The following EYS variants were observed in gnomAD, a reference collection of about 807,000 sequenced individuals.
The protein encoded by EYS is protein eyes shut homolog.
A neutral mutation model predicts 282.1 loss-of-function variants in EYS; 250 were observed. The ratio of observed to expected loss-of-function variants is 0.89; its 90% CI spans 0.80 to 0.98. The LOEUF (loss-of-function observed/expected upper bound fraction) is 0.98, where lower values mean the gene tolerates loss of function less well. EYS is among the 50% of genes least tolerant of loss of function. The probability of loss-of-function intolerance (pLI) is 0.00; values close to 1 mark genes in which losing one functional copy is unlikely to be tolerated. For missense variants in EYS, 4,016 were observed against 3,709.0 expected (o/e 1.08, Z -2.15); for synonymous variants, 1,355 against 1,282.9 (o/e 1.06, Z -1.20).
intron 36 of EYS, chr6:63,857,602 G>A: frequency 2.6e-6 from 1 of 383,890 alleles, no homozygotes; most frequent in Non-Finnish European, 5.4e-6. Context: ...ACCACCGTGT[G>A]ATGGGGTCCA....
chr6:65,238,248 T>G (rs1766974431), intron 12 of EYS, among the ~76,000 whole-genome samples: 1 of 149,810 alleles, frequency 6.7e-6, no homozygotes, highest in South Asian at 2.1e-4. Context: ...ATAATCCTTT[T>G]AAAAATATAA....
rs1417338849 is a variant in EYS at position 65,332,200 on chromosome 6, TA to T, written c.1766+2779del. On this transcript the variant is annotated intron_variant, in intron 11 of 42. Transcript: ENST00000503581. ...CTTTATTTGTTGAGTGTTTGTTTCATAAAGTGTTGTGAGATTCTGTAATACA... is the reference window on the plus strand; with the variant it reads ...CTTTATTTGTTGAGTGTTTGTTTCATAAGTGTTGTGAGATTCTGTAATACA... 5.7e-6 allele frequency: 3 copies of T among 528,974 alleles called. No homozygotes were observed. In the African/African-American group the frequency reaches 5.8e-5, roughly 10 times the overall value. 32.8% of individuals were successfully genotyped at this position (528,974 alleles called of 1,614,324 possible).
rs535956390 is a variant in EYS at position 64,644,311 on chromosome 6, G to A, written c.3444-18066C>T. ...AAAATTCTATATATGACTTAATTAGGCAGAGTTAATTTTTTTACTTGCAGT... is the reference window on the plus strand; with the variant it reads ...AAAATTCTATATATGACTTAATTAGACAGAGTTAATTTTTTTACTTGCAGT... On this transcript the variant is annotated intron_variant, in intron 22 of 42. Coordinates refer to ENST00000503581, the MANE Select transcript of EYS (RefSeq NM_001142800.2). Among the ~76,000 whole-genome samples the A allele has an allele frequency of 1.7e-4, 4 of 23,668 alleles. No individual in the cohort carries two copies. The South Asian group carries it at 0.013, about 77-fold the overall frequency. The allele number at this position is 23,668 out of a possible 152,430, so 15.5% of individuals were successfully genotyped here.
chr6:63,797,581 C>T (rs1412728797), intron 37 of EYS: 2 of 152,176 alleles, frequency 1.3e-5, no homozygotes, highest in African/African-American at 2.4e-5. Context: ...TAGTGGCAAA[C>T]TTTTGGCTTC....
intron 36 of EYS, among the ~76,000 whole-genome samples, chr6:63,853,484 G>C (rs1420736666): frequency 6.6e-6 from 1 of 152,164 alleles, no homozygotes; most frequent in Non-Finnish European, 1.5e-5. Flanking sequence ...AAATAAGAGA[G>C]GACACAGACA....
intron 2 of EYS, among the ~76,000 whole-genome samples, chr6:65,637,596 G>A (rs1014202591): frequency 2.0e-5 from 3 of 152,202 alleles, no homozygotes; most frequent in African/African-American, 7.2e-5. Flanking sequence ...GGCCCAGGAA[G>A]CTACTTGCCA....
At chr6:64,842,135 T>C (rs1765580909) in intron 19 of EYS, among the ~76,000 whole-genome samples, 1 of 151,996 alleles carries the variant, frequency 6.6e-6, no homozygotes, top group Non-Finnish European at 1.5e-5. Flanking sequence ...TTAATGCTAA[T>C]AGTGTTGGTT....
chr6:65,687,148 A>C (rs1473072185), intron 1 of EYS, among the ~76,000 whole-genome samples: 2 of 152,122 alleles, frequency 1.3e-5, no homozygotes, highest in Non-Finnish European at 2.9e-5. Context: ...ATTCAGATTT[A>C]AGTTTATACA....
At chr6:65,118,888 A>G (rs1234805303) in intron 12 of EYS, among the ~76,000 whole-genome samples, 4 of 152,058 alleles carry the variant, frequency 2.6e-5, no homozygotes, top group Non-Finnish European at 5.9e-5. Context: ...GAAAAAAAAA[A>G]AAAGAAATAG....
chr6:64,619,310 A>G (rs1277204516), intron 23 of EYS, among the ~76,000 whole-genome samples: 2 of 152,198 alleles, frequency 1.3e-5, no homozygotes, highest in Non-Finnish European at 1.5e-5. Context: ...GCTTTAAACC[A>G]TAAGATGGGA....
chr6:64,497,664 G>A (rs1226416829), intron 26 of EYS, among the ~76,000 whole-genome samples: 1 of 152,124 alleles, frequency 6.6e-6, no homozygotes. Flanking sequence ...GAGTGTGACA[G>A]ACTCACGGGC....
At chr6:63,796,954 C>T (rs1413591417) in intron 37 of EYS, among the ~76,000 whole-genome samples, 2 of 152,162 alleles carry the variant, frequency 1.3e-5, no homozygotes, top group African/African-American at 2.4e-5. Flanking sequence ...GGTTCTCCCA[C>T]CAAATGAATA....
In EYS at chr6:65,350,150, C is replaced by G. The variant is rs182112591; in HGVS notation, c.1459+3308G>C. On this transcript the variant is annotated intron_variant, in intron 9 of 42. Transcript: ENST00000503581. ...TTTTAATACTCAGATTTTTAAAAAG[C>G]CTTCAACTAAAGATTAAAACTAAAG... Among the ~76,000 whole-genome samples, 1,150 of 151,090 alleles carry G rather than the reference C, an allele frequency of 7.6e-3. 7 individuals are homozygous for G. Among genetic ancestry groups the G allele is most frequent in the Non-Finnish European group, 0.01 (695 of 67,460 alleles).
intron 5 of EYS, among the ~76,000 whole-genome samples, chr6:65,479,269 A>G (rs1284942855): frequency 1.3e-5 from 2 of 152,228 alleles, no homozygotes; most frequent in East Asian, 3.8e-4. Flanking sequence ...CTTGGCATAT[A>G]TTTGGCAAAT....
intron 31 of EYS, among the ~76,000 whole-genome samples, chr6:64,134,004 A>T (rs887985832): frequency 6.6e-6 from 1 of 152,026 alleles, no homozygotes. Context: ...GGAAGAGTGA[A>T]TAGTTAGATA....
chr6:64,245,613 C>G (rs1463771993), intron 30 of EYS, among the ~76,000 whole-genome samples: 1 of 152,132 alleles, frequency 6.6e-6, no homozygotes, highest in Non-Finnish European at 1.5e-5. Flanking sequence ...CAGATTTAAG[C>G]CACTTCCTTC....
chr6:64,257,450 T>C (rs1767437740), intron 30 of EYS, among the ~76,000 whole-genome samples: 2 of 152,010 alleles, frequency 1.3e-5, no homozygotes, highest in Admixed American at 6.6e-5. Context: ...GGCCTCAATA[T>C]CCAAGCTGAC....
chr6:65,527,117 A>G (rs1039716592), intron 2 of EYS, among the ~76,000 whole-genome samples: 1 of 152,174 alleles, frequency 6.6e-6, no homozygotes, highest in Non-Finnish European at 1.5e-5. Context: ...GGACAGAATG[A>G]CTTTCAATGA....
intron 2 of EYS, among the ~76,000 whole-genome samples, chr6:65,607,859 C>A (rs1765856406): frequency 1.3e-5 from 2 of 151,952 alleles, no homozygotes; most frequent in African/African-American, 4.8e-5. Flanking sequence ...AATTACATTT[C>A]ATCTTATGTG....
Sources: allele counts gnomAD v4.1 joint callset (sites outside exome capture counted in the v4.1 genomes callset), GRCh38; gene constraint gnomAD v4.1.1; transcripts MANE v1.5; gene names NCBI Gene and HGNC (gene_info 2026-07-23, HGNC 2026-07-21).